Variants in ADAM12 observed in about 807,000 individuals in gnomAD.
ADAM12 encodes the protein ADAM metallopeptidase domain 12.
In ADAM12, 70 loss-of-function variants were observed where a neutral mutation model predicts 106.4. That is an observed-to-expected ratio of 0.66 (90% CI 0.54 to 0.80). The LOEUF (loss-of-function observed/expected upper bound fraction) is 0.80, where lower values mean the gene tolerates loss of function less well. ADAM12 is among the 30% of genes least tolerant of loss of function. The probability of loss-of-function intolerance (pLI) is 0.00; values close to 1 mark genes in which losing one functional copy is unlikely to be tolerated. For synonymous variants in ADAM12, 420 were observed against 433.5 expected (o/e 0.97, Z 0.39); for missense variants, 1,010 against 1,171.9 (o/e 0.86, Z 2.02).
chr10:126,349,010 A>C (rs1855256383), intron 1 of ADAM12, among the ~76,000 whole-genome samples: 1 of 152,228 alleles, frequency 6.6e-6, no homozygotes, highest in African/African-American at 2.4e-5. Flanking sequence ...ACGTTTCAAT[A>C]GATTCTTAGG....
At position 126,064,463 on chromosome 10, in the gene ADAM12, G is replaced by A. The variant is rs1403218987; in HGVS notation, c.1609+343C>T. ...TCATCCCTGCCATCCCTCGGGGCAC[G>A]CAGTAGGTGCTCCTGCAGCTCCCGT... On this transcript the variant is annotated intron_variant, in intron 14 of 22. Coordinates refer to ENST00000448723, the MANE Select transcript of ADAM12 (RefSeq NM_001288973.2). This position sits in a 1 kb window ranked among gnomAD's most constrained non-coding sequence, Gnocchi z 4.4. Among the ~76,000 whole-genome samples, 2 of 152,102 alleles carry A rather than the reference G, an allele frequency of 1.3e-5. No homozygotes were observed. The highest frequency in any genetic ancestry group is 2.9e-5 in the Non-Finnish European group (2 of 67,996).
intron 18 of ADAM12, chr10:126,041,662 T>A: frequency 3.0e-6 from 3 of 989,988 alleles, no homozygotes; most frequent in Non-Finnish European, 3.6e-6. Context: ...TTTCATATAA[T>A]AAATGCTAAA....
chr10:126,260,562 T>C (rs1958981362), intron 3 of ADAM12, among the ~76,000 whole-genome samples: 1 of 59,416 alleles, frequency 1.7e-5, no homozygotes, highest in African/African-American at 4.0e-5. Context: ...AGGTCCCTCA[T>C]TCTGAACATA....
At chr10:126,055,754 C>T (rs1954615839) in intron 14 of ADAM12, among the ~76,000 whole-genome samples, 1 of 152,224 alleles carries the variant, frequency 6.6e-6, no homozygotes, top group Admixed American at 6.5e-5. Flanking sequence ...TCCAGCTGCT[C>T]ATGGAGTCAA....
chr10:126,054,419 G>A (rs1281326997), intron 14 of ADAM12, among the ~76,000 whole-genome samples: 2 of 152,252 alleles, frequency 1.3e-5, no homozygotes, highest in Non-Finnish European at 2.9e-5. Context: ...CCTGCTCTGC[G>A]ACATCCAAAA....
At chr10:126,318,064 A>G (rs570504003) in intron 2 of ADAM12, among the ~76,000 whole-genome samples, 101 of 152,308 alleles carry the variant, frequency 6.6e-4, no homozygotes, top group African/African-American at 2.3e-3. Flanking sequence ...GAGCCTATCT[A>G]GTACCTAGAG....
At chr10:126,047,189 G>A (rs1338670987) in intron 16 of ADAM12, among the ~76,000 whole-genome samples, 1 of 152,122 alleles carries the variant, frequency 6.6e-6, no homozygotes, top group Non-Finnish European at 1.5e-5. Flanking sequence ...TGGAGTCAAA[G>A]GAAAAAGAGT....
intron 12 of ADAM12, among the ~76,000 whole-genome samples, chr10:126,067,208 CAATCT>C (rs1276798612): frequency 1.3e-5 from 2 of 152,232 alleles, no homozygotes; most frequent in African/African-American, 4.8e-5. Context: ...TAGATGCATA[CAATCT>C]GTACTCTTCA....
At chr10:126,366,384 C>T (rs1379930362) in intron 1 of ADAM12, among the ~76,000 whole-genome samples, 3 of 152,022 alleles carry the variant, frequency 2.0e-5, no homozygotes, top group African/African-American at 7.3e-5. Flanking sequence ...TTCTATAACT[C>T]TCTAAGTTAA....
At position 126,110,162 on chromosome 10, in the gene ADAM12, A is replaced by C. The variant is rs374442470; in HGVS notation, c.604-322T>G. 5.3e-5 allele frequency among the ~76,000 whole-genome samples: 8 copies of C among 151,896 alleles called. No homozygotes were observed. The East Asian group carries it at 1.6e-3, about 30-fold the overall frequency. On this transcript the variant is annotated intron_variant, in intron 6 of 22. Coordinates refer to ENST00000448723, the MANE Select transcript of ADAM12 (RefSeq NM_001288973.2). ...GCACATAAACAAACAAAACCAAAGC[A>C]CTCTCTAGAACAGGAGCCAGTCAAA...
intron 2 of ADAM12, among the ~76,000 whole-genome samples, chr10:126,323,316 CTA>C (rs755456502): frequency 2.1e-4 from 32 of 152,332 alleles, no homozygotes; most frequent in South Asian, 4.1e-4. Flanking sequence ...ATAGGTCTGG[CTA>C]TGTCAACCCA....
intron 4 of ADAM12, among the ~76,000 whole-genome samples, chr10:126,145,021 G>A (rs1329663227): frequency 1.3e-5 from 2 of 152,176 alleles, no homozygotes; most frequent in Non-Finnish European, 2.9e-5. Flanking sequence ...CAATTTTATG[G>A]AAGAAAAGTC....
chr10:126,253,791 T>A (rs899708494), intron 3 of ADAM12, among the ~76,000 whole-genome samples: 2 of 152,052 alleles, frequency 1.3e-5, no homozygotes, highest in Non-Finnish European at 2.9e-5. Context: ...AAGCAGGGAA[T>A]GAGATGCGGT....
chr10:126,252,914 T>G (rs1441368012), intron 3 of ADAM12, among the ~76,000 whole-genome samples: 2 of 152,162 alleles, frequency 1.3e-5, no homozygotes, highest in East Asian at 3.9e-4. Context: ...TCCTGCTCCT[T>G]GTAGAAAGGG....
chr10:126,266,161 TG>T (rs1326965663), intron 3 of ADAM12, among the ~76,000 whole-genome samples: 1 of 152,140 alleles, frequency 6.6e-6, no homozygotes, highest in Non-Finnish European at 1.5e-5. Flanking sequence ...AGGTGGTCCC[TG>T]GGCTCCACAG....
At chr10:126,128,643 G>A (rs1021833077) in intron 5 of ADAM12, among the ~76,000 whole-genome samples, 1 of 148,620 alleles carries the variant, frequency 6.7e-6, no homozygotes, top group African/African-American at 2.5e-5. Context: ...TGTGTGGTGT[G>A]CATGTGGGAA....
At chr10:126,288,460 C>T (rs898601532) in intron 2 of ADAM12, among the ~76,000 whole-genome samples, 4 of 152,128 alleles carry the variant, frequency 2.6e-5, no homozygotes, top group Non-Finnish European at 5.9e-5. Flanking sequence ...CAGGGTGAGG[C>T]GGCAGCAGCA....
chr10:126,039,584 G>C (rs1312147881), intron 18 of ADAM12, among the ~76,000 whole-genome samples, 155 bp from the exon 19 acceptor site: 2 of 152,248 alleles, frequency 1.3e-5, no homozygotes, highest in Admixed American at 1.3e-4. Context: ...TCTTACTTCA[G>C]ATGCCATGTT....
chr10:126,351,077 T>C (rs569806001), intron 1 of ADAM12, among the ~76,000 whole-genome samples: 2 of 152,262 alleles, frequency 1.3e-5, no homozygotes, highest in South Asian at 4.1e-4. Flanking sequence ...ATGGCCAGGA[T>C]TTCAAGCGAA....
Sources: allele counts gnomAD v4.1 joint callset (sites outside exome capture counted in the v4.1 genomes callset), GRCh38; gene constraint gnomAD v4.1.1; non-coding constraint Gnocchi (gnomAD v3.1); transcripts MANE v1.5; gene names NCBI Gene and HGNC (gene_info 2026-07-23, HGNC 2026-07-21).